The following WDPCP variants were observed in gnomAD, a reference collection of about 807,000 sequenced individuals.
The protein encoded by WDPCP is WD repeat-containing and planar cell polarity effector protein fritz homolog.
A neutral mutation model predicts 93.1 loss-of-function variants in WDPCP; 71 were observed. The ratio of observed to expected loss-of-function variants is 0.76; its 90% CI spans 0.63 to 0.93. WDPCP has a LOEUF of 0.93. Among genes scored for constraint, WDPCP ranks in the 40% least tolerant of loss-of-function variants. WDPCP has a pLI of 0.00. For synonymous variants in WDPCP, 315 were observed against 315.0 expected, an observed-to-expected ratio of 1.00 and a Z score of 0.00; for missense variants, 844 against 887.4, an observed-to-expected ratio of 0.95 and a Z score of 0.62.
chr2:63,213,180 GCAC>G (rs1357008524), intron 14 of WDPCP, among the ~76,000 whole-genome samples: 1 of 152,144 alleles, frequency 6.6e-6, no homozygotes, highest in Admixed American at 6.5e-5. Flanking sequence ...ATTCTTCTCA[GCAC>G]CACATCGCAC....
intron 1 of WDPCP, among the ~76,000 whole-genome samples, chr2:63,815,221 A>C (rs1268894566): frequency 2.0e-5 from 3 of 152,190 alleles, no homozygotes; most frequent in Non-Finnish European, 2.9e-5. Flanking sequence ...GAAGTGTTTT[A>C]AATTGCTTTT....
intron 3 of WDPCP, among the ~76,000 whole-genome samples, chr2:63,624,188 T>C (rs1709781324): frequency 6.6e-6 from 1 of 152,142 alleles, no homozygotes; most frequent in South Asian, 2.1e-4. Context: ...TAAAGTAGTG[T>C]TTAAAGGGAA....
At chr2:63,678,679 T>C (rs1246211032) in intron 2 of WDPCP, among the ~76,000 whole-genome samples, 1 of 152,174 alleles carries the variant, frequency 6.6e-6, no homozygotes. Flanking sequence ...TGTGCAAGAG[T>C]TGGGACCTGG....
At chr2:63,818,555 G>T (rs143622611) in intron 1 of WDPCP, among the ~76,000 whole-genome samples, 148 of 152,234 alleles carry the variant, frequency 9.7e-4, no homozygotes, top group African/African-American at 3.2e-3. Context: ...TGGGAACAAA[G>T]AAATGAATTC....
At chr2:63,811,950 A>G (rs1262955117) in intron 2 of WDPCP, among the ~76,000 whole-genome samples, 2 of 151,920 alleles carry the variant, frequency 1.3e-5, no homozygotes, top group East Asian at 1.9e-4. Context: ...TGCAGCCTCA[A>G]CCTCTCTGGG....
At chr2:63,739,914 C>T (rs1669690470) in intron 2 of WDPCP, among the ~76,000 whole-genome samples, 1 of 151,776 alleles carries the variant, frequency 6.6e-6, no homozygotes. Flanking sequence ...CCTTTGTCCA[C>T]TATTTAATGG....
At chr2:63,217,830 T>C (rs927997571) in intron 14 of WDPCP, among the ~76,000 whole-genome samples, 7 of 152,176 alleles carry the variant, frequency 4.6e-5, no homozygotes, top group African/African-American at 1.4e-4. Flanking sequence ...TATCTTTTCT[T>C]AGTTGTCAGA....
chr2:63,542,917 A>G (rs1704852900), intron 1 of WDPCP, among the ~76,000 whole-genome samples: 1 of 152,142 alleles, frequency 6.6e-6, no homozygotes, highest in Admixed American at 6.5e-5. Context: ...TATATAAGGA[A>G]ACTTGAACAT....
intron 2 of WDPCP, among the ~76,000 whole-genome samples, chr2:63,720,303 G>C (rs1048762127): frequency 6.6e-6 from 1 of 151,718 alleles, no homozygotes; most frequent in Non-Finnish European, 1.5e-5. Flanking sequence ...TGTAGTCCCA[G>C]CTACTCGGGA....
chr2:63,350,532 A>G (rs1458373698), intron 12 of WDPCP, among the ~76,000 whole-genome samples: 1 of 151,944 alleles, frequency 6.6e-6, no homozygotes, highest in Non-Finnish European at 1.5e-5. Context: ...CCTCTCTCTA[A>G]CAGCCATATC....
At chr2:63,617,919 G>A (rs962882330) in intron 3 of WDPCP, among the ~76,000 whole-genome samples, 3 of 152,040 alleles carry the variant, frequency 2.0e-5, no homozygotes, top group African/African-American at 2.4e-5. Flanking sequence ...CCCAGATCAG[G>A]TAAATACAAA....
chr2:63,413,775 C>T (rs1695199129), intron 9 of WDPCP, among the ~76,000 whole-genome samples: 1 of 149,354 alleles, frequency 6.7e-6, no homozygotes, highest in African/African-American at 2.5e-5. Flanking sequence ...CAGAGTGAGA[C>T]TCTGTCTCAA....
intron 13 of WDPCP, 95 bp from the exon 14 acceptor site, chr2:63,259,504 A>T: frequency 1.0e-6 from 1 of 973,538 alleles, no homozygotes; most frequent in Non-Finnish European, 1.6e-6. Context: ...CCAGATTACA[A>T]AATAGAAACA....
intron 2 of WDPCP, among the ~76,000 whole-genome samples, chr2:63,799,038 G>A (rs1291697552): frequency 2.6e-5 from 4 of 152,148 alleles, no homozygotes; most frequent in African/African-American, 7.2e-5. Flanking sequence ...CTTTAAAAGT[G>A]AGCAAATGTG....
intron 13 of WDPCP, among the ~76,000 whole-genome samples, chr2:63,275,866 C>A (rs948195390): frequency 2.0e-5 from 3 of 152,146 alleles, no homozygotes; most frequent in Non-Finnish European, 4.4e-5. Context: ...CTTGGACAGA[C>A]AAAACAGTGT....
At chr2:63,645,029 C>G (rs2106634546) in intron 3 of WDPCP, among the ~76,000 whole-genome samples, 1 of 151,648 alleles carries the variant, frequency 6.6e-6, no homozygotes, top group East Asian at 1.9e-4. Flanking sequence ...TTTATTTTTT[C>G]TTTTCTTCTA....
intron 13 of WDPCP, among the ~76,000 whole-genome samples, chr2:63,306,374 T>C (rs539064944): frequency 6.6e-6 from 1 of 152,256 alleles, no homozygotes; most frequent in African/African-American, 2.4e-5. Context: ...GAGGGACTCC[T>C]CCCTAACTCA....
At chr2:63,271,802 C>T (rs994153242) in intron 13 of WDPCP, among the ~76,000 whole-genome samples, 3 of 152,140 alleles carry the variant, frequency 2.0e-5, no homozygotes, top group South Asian at 2.1e-4. Context: ...AGGCCCACCC[C>T]GCCTGCTGCC....
chr2:63,567,159 G>A (rs373251352), intron 1 of WDPCP, among the ~76,000 whole-genome samples: 8 of 152,252 alleles, frequency 5.3e-5, no homozygotes, highest in Non-Finnish European at 8.8e-5. Flanking sequence ...ATTAATAGGC[G>A]TGAATAATTA....
Sources: gnomAD v4.1 joint callset for allele counts (sites outside exome capture counted in the v4.1 genomes callset) on GRCh38, gnomAD v4.1.1 for gene constraint, MANE v1.5 for transcripts, NCBI Gene and HGNC (gene_info 2026-07-23, HGNC 2026-07-21) for gene names.